AKR1B10: variants seen among roughly 807,000 people sequenced by gnomAD.
AKR1B10 encodes ARP.
Under a neutral mutation model 38.9 loss-of-function variants are expected in AKR1B10, and 39 were observed. That is an observed-to-expected ratio of 1.00 (90% CI 0.78 to 1.31). AKR1B10 has a LOEUF of 1.31. Among genes scored for constraint, AKR1B10 ranks in the 50% most tolerant of loss-of-function variants. AKR1B10 has a pLI of 0.00. For synonymous variants in AKR1B10, 148 were observed against 141.2 expected, an observed-to-expected ratio of 1.05 and a Z score of -0.34; for missense variants, 361 against 382.6, an observed-to-expected ratio of 0.94 and a Z score of 0.47.
chr7:134,537,555 C>T (rs746785337), intron 6 of AKR1B10, 25 bp from the exon 7 acceptor site: 5 of 1,607,948 alleles, frequency 3.1e-6, no homozygotes, highest in Non-Finnish European at 2.6e-6. Flanking sequence ...GGTGATTATT[C>T]ACATCAGCAT....
At chr7:134,535,584 TC>T (rs769632516) in intron 4 of AKR1B10, 8 of 856,750 alleles carry the variant, frequency 9.3e-6, no homozygotes, top group East Asian at 1.4e-4. Flanking sequence ...CTCTTTTCTG[TC>T]TTTTTTTTTT....
chr7:134,538,840 G>T lies in AKR1B10; in HGVS notation c.826-95G>T, dbSNP rs1039658975. 4.2e-5 allele frequency: 60 copies of T among 1,425,576 alleles called. No individual in the cohort carries two copies. The African/African-American group carries it at 8.1e-4, about 19-fold the overall frequency. 88.3% of individuals were successfully genotyped at this position (1,425,576 alleles called of 1,614,324 possible). On this transcript the variant is annotated intron_variant, in intron 8 of 9. Coordinates refer to ENST00000359579, the MANE Select transcript of AKR1B10 (RefSeq NM_020299.5). ...AACTCCTGTGGCCAGTTTGTGCTGT[G>T]AATGTGAGCTCCCTCCCTGCTAGAA...
At chr7:134,539,518 T>C (rs942177818) in intron 9 of AKR1B10, among the ~76,000 whole-genome samples, 1 of 152,132 alleles carries the variant, frequency 6.6e-6, no homozygotes, top group African/African-American at 2.4e-5. Flanking sequence ...GGACTGATCC[T>C]TTATACAGGG....
chr7:134,528,184 G>C (rs1014333587), intron 1 of AKR1B10, among the ~76,000 whole-genome samples: 26 of 152,336 alleles, frequency 1.7e-4, no homozygotes, highest in African/African-American at 5.8e-4. Context: ...GCAGTGATGA[G>C]AGCTTCTCTA....
At chr7:134,532,304 C>A (rs1321495663) in intron 3 of AKR1B10, among the ~76,000 whole-genome samples, 3 of 152,278 alleles carry the variant, frequency 2.0e-5, no homozygotes, top group Middle Eastern at 3.4e-3. Context: ...GTTGCAACTG[C>A]CATATCACCT....
At chr7:134,532,141 G>A in intron 3 of AKR1B10, 117 bp downstream of exon 3, 2 of 1,234,696 alleles carry the variant, frequency 1.6e-6, no homozygotes, top group East Asian at 2.3e-5. Context: ...TTTCATAATT[G>A]GGAATGGCAG....
rs1238184917 is a variant in AKR1B10 at position 134,531,888 on chromosome 7, C to T, written c.235-20C>T. 6 of 1,613,424 alleles carry T rather than the reference C, an allele frequency of 3.7e-6. 1 individual carries two copies. In the Admixed American group the frequency reaches 5.0e-5, roughly 13 times the overall value. Reference sequence around the variant, plus strand: ...CTTCCTTTTCCCAGTATTAATAGCTCATTGCTACACTCTTTGCAGTTGTGG... The same window carrying T: ...CTTCCTTTTCCCAGTATTAATAGCTTATTGCTACACTCTTTGCAGTTGTGG... On this transcript the variant is annotated intron_variant, in intron 2 of 9. Coordinates refer to ENST00000359579, the MANE Select transcript of AKR1B10 (RefSeq NM_020299.5).
At chr7:134,538,365 C>A in intron 8 of AKR1B10, 88 bp downstream of exon 8, 2 of 1,321,944 alleles carry the variant, frequency 1.5e-6, no homozygotes, top group Non-Finnish European at 2.2e-6. Flanking sequence ...CTCATCGCTG[C>A]ATTGTCTTTT....
At chr7:134,536,166 C>T (rs369347190) in intron 4 of AKR1B10, among the ~76,000 whole-genome samples, 3 of 152,218 alleles carry the variant, frequency 2.0e-5, no homozygotes, top group African/African-American at 7.2e-5. Flanking sequence ...ACAAGTGAGG[C>T]TTCTCCGTAT....
chr7:134,534,153 A>G (rs1309815374), intron 4 of AKR1B10, among the ~76,000 whole-genome samples: 1 of 152,042 alleles, frequency 6.6e-6, no homozygotes, highest in Non-Finnish European at 1.5e-5. Flanking sequence ...AGACACTCTC[A>G]CTCTGTCACC....
In AKR1B10 at chr7:134,537,741, AAACTCCT is replaced by A. The variant is rs1189454408; in HGVS notation, c.741+81_741+87del. On this transcript the variant is annotated intron_variant, in intron 7 of 9. Transcript: ENST00000359579. ...TTTCATATCCTGTGTTGTCCTCAAC[AAACTCCT>A]TAAAGGGGAAGAATATAGGAGCTGA... 9.1e-6 allele frequency: 14 copies of A among 1,537,184 alleles called. No homozygotes were observed. In the South Asian group the frequency reaches 1.6e-4, roughly 17 times the overall value.
chr7:134,537,229 G>C, intron 6 of AKR1B10, 72 bp downstream of exon 6: 3 of 1,534,052 alleles, frequency 2.0e-6, no homozygotes, highest in Non-Finnish European at 8.8e-7. Context: ...GTAAATGTTG[G>C]TATGGGTCCA....
intron 1 of AKR1B10, among the ~76,000 whole-genome samples, chr7:134,528,453 G>T (rs10270893): frequency 0.35 from 53,627 of 151,774 alleles, 9,620 homozygotes; most frequent in Non-Finnish European, 0.39. Flanking sequence ...GCCAGGTGTG[G>T]TGGCTTATCC....
In AKR1B10 at chr7:134,537,581, G is replaced by C; in HGVS notation, c.661G>C (p.Ala221Pro). 1.2e-6 allele frequency: 2 copies of C among 1,613,706 alleles called. No individual in the cohort carries two copies. The highest frequency in any genetic ancestry group is 2.2e-5 in the East Asian group (1 of 44,868). Residue 221 changes from alanine (A) to proline (P), a missense_variant and splice_region_variant, in exon 7 of 10, where the codon GCC (alanine) becomes CCC (proline). Transcript: ENST00000359579. ...ACATCAGCATCTTTCTGCCCCTAGGGCCAAGCCAGAAGACCCTTCCCTGCT... is the reference window on the plus strand; with the variant it reads ...ACATCAGCATCTTTCTGCCCCTAGGCCCAAGCCAGAAGACCCTTCCCTGCT... ...SPLGSPDRPW[A>P]KPEDPSLLED...
rs112959067 is a variant in AKR1B10, at chr7:134,533,778, C to G, written c.429+697C>G. Among the ~76,000 whole-genome samples, 1,504 of 152,250 alleles carry G rather than the reference C, an allele frequency of 9.9e-3. 22 individuals carry two copies. Among genetic ancestry groups the G allele is most frequent in the African/African-American group, 0.034 (1,426 of 41,538 alleles). ...AGCCTGAGTGCTCTGCTTCTCAGAT[C>G]TAACCATGACCTGTTTCACGTCATT... On this transcript the variant is annotated intron_variant, in intron 4 of 9. Coordinates refer to ENST00000359579, the MANE Select transcript of AKR1B10 (RefSeq NM_020299.5).
intron 9 of AKR1B10, among the ~76,000 whole-genome samples, chr7:134,540,780 ACC>A (rs1469583196): frequency 6.6e-6 from 1 of 152,100 alleles, no homozygotes; most frequent in Non-Finnish European, 1.5e-5. Context: ...CTTGTCTGTC[ACC>A]TCGCCTGACA....
Position 134,527,649 on chromosome 7 carries a change from T to C in AKR1B10, c.-263T>C. Reference sequence around the variant, plus strand: ...GGAAGGCCGAGGTGGGCGGATCACCTGAGCTCAGGAGTTTGAGACCAGCCT... The same window carrying C: ...GGAAGGCCGAGGTGGGCGGATCACCCGAGCTCAGGAGTTTGAGACCAGCCT... On this transcript the variant is annotated 5_prime_UTR_variant, in exon 1 of 10. Coordinates refer to ENST00000359579, the MANE Select transcript of AKR1B10 (RefSeq NM_020299.5). 2 of 283,032 alleles carry C rather than the reference T, an allele frequency of 7.1e-6. No individual in the cohort carries two copies. The highest frequency in any genetic ancestry group is 1.4e-5 in the Non-Finnish European group (2 of 145,040). The allele number at this position is 283,032 out of a possible 1,614,324, so 17.5% of individuals were successfully genotyped here. A position where few individuals can be genotyped will look rare whatever the true frequency, so the allele number is the denominator to read the frequency against.
In AKR1B10 at chr7:134,535,584, T is replaced by TC. The variant is rs749267047; in HGVS notation, c.430-1065dup. ...GCTCATGTTTTTTCCCTCTTTTCTG[T>TC]CTTTTTTTTTTTTTTTTTTTTTTTC... On this transcript the variant is annotated intron_variant, in intron 4 of 9. Coordinates refer to ENST00000359579, the MANE Select transcript of AKR1B10 (RefSeq NM_020299.5). 7.1e-3 allele frequency: 6,064 copies of TC among 856,498 alleles called. 187 individuals are homozygous for TC. The highest frequency in any genetic ancestry group is 0.033 in the South Asian group (589 of 17,624). 53.1% of individuals were successfully genotyped at this position (856,498 alleles called of 1,614,324 possible).
Position 134,541,131 on chromosome 7 carries a change from T to C in AKR1B10, c.*42T>C. ...GAGATTATACAGGAGATTCTCTTTC[T>C]TCGCTGAAGTGTGACTACCTCCACT... On this transcript the variant is annotated 3_prime_UTR_variant, in exon 10 of 10. Coordinates refer to ENST00000359579, the MANE Select transcript of AKR1B10 (RefSeq NM_020299.5). 1 of 1,445,002 alleles carries C rather than the reference T, an allele frequency of 6.9e-7. No homozygotes were observed. The highest frequency in any genetic ancestry group is 9.6e-7 in the Non-Finnish European group (1 of 1,036,384). The allele number at this position is 1,445,002 out of a possible 1,614,324, so 89.5% of individuals were successfully genotyped here. A position where few individuals can be genotyped will look rare whatever the true frequency, so the allele number is the denominator to read the frequency against.
Sources: allele counts gnomAD v4.1 joint callset (sites outside exome capture counted in the v4.1 genomes callset), GRCh38; gene constraint gnomAD v4.1.1; transcripts MANE v1.5; gene names NCBI Gene and HGNC (gene_info 2026-07-23, HGNC 2026-07-21).